The following TMEM178B variants were observed in gnomAD, a reference collection of about 807,000 sequenced individuals.
TMEM178B encodes the protein transmembrane protein 178B.
Under a neutral mutation model 31.0 loss-of-function variants are expected in TMEM178B, and 5 were observed. The ratio of observed to expected loss-of-function variants is 0.16; its 90% confidence interval spans 0.08 to 0.34. The LOEUF (loss-of-function observed/expected upper bound fraction) is 0.34, where lower values mean the gene tolerates loss of function less well. TMEM178B is among the 10% of genes least tolerant of loss of function. The pLI, the probability that TMEM178B is intolerant of heterozygous loss-of-function variation, is 1.00. For missense variants in TMEM178B, 275 were observed against 400.3 expected (o/e 0.69, Z 2.67); for synonymous variants, 164 against 164.0 (o/e 1.00, Z 0.00).
intron 1 of TMEM178B, among the ~76,000 whole-genome samples, chr7:141,098,426 A>G (rs1433560677): frequency 6.6e-6 from 1 of 152,212 alleles, no homozygotes; most frequent in Non-Finnish European, 1.5e-5. Flanking sequence ...AACCCAATTT[A>G]AAGACATTTG....
chr7:141,243,312 A>G (rs1362735605), intron 2 of TMEM178B, among the ~76,000 whole-genome samples: 4 of 151,856 alleles, frequency 2.6e-5, no homozygotes, highest in Admixed American at 6.6e-5. Context: ...TTTGACTCCA[A>G]CCGTTAACTT....
At chr7:141,234,562 C>T (rs565968786) in intron 2 of TMEM178B, among the ~76,000 whole-genome samples, 1 of 152,272 alleles carries the variant, frequency 6.6e-6, no homozygotes, top group Non-Finnish European at 1.5e-5. Flanking sequence ...CTTCTGTGTC[C>T]AGGGTGGTGA....
At chr7:141,377,370 G>C (rs1800235595) in intron 2 of TMEM178B, among the ~76,000 whole-genome samples, 2 of 151,916 alleles carry the variant, frequency 1.3e-5, no homozygotes, top group South Asian at 4.2e-4. Context: ...TTTTAGCAGG[G>C]ACGGGGTTTC....
chr7:141,238,907 G>A (rs1797571854), intron 2 of TMEM178B, among the ~76,000 whole-genome samples: 1 of 152,230 alleles, frequency 6.6e-6, no homozygotes, highest in African/African-American at 2.4e-5. Context: ...TTAGCAAAGG[G>A]CTCTAACTAG....
chr7:141,245,458 A>T (rs1797714973), intron 2 of TMEM178B, among the ~76,000 whole-genome samples: 1 of 152,184 alleles, frequency 6.6e-6, no homozygotes, highest in Non-Finnish European at 1.5e-5. Flanking sequence ...AACTCTTGCT[A>T]TAGAGGTTAA....
At chr7:141,162,577 AT>A (rs1467914604) in intron 1 of TMEM178B, among the ~76,000 whole-genome samples, 2 of 152,346 alleles carry the variant, frequency 1.3e-5, no homozygotes, top group Non-Finnish European at 2.9e-5. Context: ...TTGACATCTA[AT>A]TTAGTTTCTT....
chr7:141,263,307 G>T (rs1798043580), intron 2 of TMEM178B, among the ~76,000 whole-genome samples: 1 of 152,086 alleles, frequency 6.6e-6, no homozygotes, highest in South Asian at 2.1e-4. Context: ...TTGGGCTGAG[G>T]ACCAGGCTCA....
intron 1 of TMEM178B, among the ~76,000 whole-genome samples, chr7:141,130,070 G>T (rs1795570071): frequency 6.6e-6 from 1 of 152,096 alleles, no homozygotes; most frequent in Non-Finnish European, 1.5e-5. Flanking sequence ...TCTTTAAAAG[G>T]TGCTAGACTC....
At chr7:141,432,750 T>A (rs1801459443) in intron 2 of TMEM178B, among the ~76,000 whole-genome samples, 1 of 152,228 alleles carries the variant, frequency 6.6e-6, no homozygotes, top group African/African-American at 2.4e-5. Flanking sequence ...TTCTGCACAC[T>A]GTTTTTCTCC....
chr7:141,316,143 C>T (rs1482164792), intron 2 of TMEM178B, among the ~76,000 whole-genome samples: 3 of 152,084 alleles, frequency 2.0e-5, no homozygotes, highest in Non-Finnish European at 2.9e-5. Flanking sequence ...AGCTGCTAAA[C>T]GGGATTCAGG....
the TMEM178B span, among the ~76,000 whole-genome samples, chr7:141,505,663 T>C: frequency 2.0e-5 from 3 of 152,210 alleles, no homozygotes; most frequent in African/African-American, 7.2e-5. Flanking sequence ...CGAACAGGAC[T>C]GGGGCAGATG....
intron 3 of TMEM178B, 71 bp from the exon 4 acceptor site, chr7:141,470,465 T>C: frequency 7.2e-7 from 1 of 1,382,014 alleles, no homozygotes; most frequent in Non-Finnish European, 9.4e-7. Flanking sequence ...AACTTTTCTC[T>C]TTCTCTCTCC....
At chr7:141,292,729 C>T (rs1798568021) in intron 2 of TMEM178B, among the ~76,000 whole-genome samples, 1 of 150,860 alleles carries the variant, frequency 6.6e-6, no homozygotes. Flanking sequence ...CCTCCGCCTC[C>T]CGGGTTCAAG....
At chr7:141,283,206 A>G (rs952508966) in intron 2 of TMEM178B, among the ~76,000 whole-genome samples, 1 of 152,190 alleles carries the variant, frequency 6.6e-6, no homozygotes, top group South Asian at 2.1e-4. Flanking sequence ...TTGTCAGCAA[A>G]GGGAGGTTGG....
intron 2 of TMEM178B, among the ~76,000 whole-genome samples, chr7:141,339,014 G>A (rs189985440): frequency 1.3e-5 from 2 of 152,316 alleles, no homozygotes. Context: ...GGGTGTTGGG[G>A]AGAGAAGGTG....
At chr7:141,178,316 AG>A (rs1796465788) in intron 1 of TMEM178B, among the ~76,000 whole-genome samples, 1 of 152,262 alleles carries the variant, frequency 6.6e-6, no homozygotes, top group Non-Finnish European at 1.5e-5. Flanking sequence ...GACTTTGAAG[AG>A]ATTCTAGTGA....
intron 1 of TMEM178B, among the ~76,000 whole-genome samples, chr7:141,132,524 A>G (rs1010813): frequency 0.97 from 147,561 of 152,264 alleles, 71,520 homozygotes; most frequent in East Asian, 1. Flanking sequence ...ATGGTTTGGT[A>G]ATAGGGTCTG....
intron 2 of TMEM178B, among the ~76,000 whole-genome samples, chr7:141,308,238 G>A (rs17489724): frequency 0.13 from 20,407 of 152,222 alleles, 1,710 homozygotes; most frequent in Non-Finnish European, 0.19. Flanking sequence ...AACTCCAGCT[G>A]AAAGAGATAA....
At chr7:141,211,387 T>C (rs1797050583) in intron 1 of TMEM178B, among the ~76,000 whole-genome samples, 1 of 152,200 alleles carries the variant, frequency 6.6e-6, no homozygotes, top group Admixed American at 6.5e-5. Context: ...TGAGGCACTG[T>C]CTAAATTATT....
Sources: gnomAD v4.1 joint callset for allele counts (sites outside exome capture counted in the v4.1 genomes callset) on GRCh38, gnomAD v4.1.1 for gene constraint, MANE v1.5 for transcripts, NCBI Gene and HGNC (gene_info 2026-07-23, HGNC 2026-07-21) for gene names.